LARGE1: variants seen among roughly 807,000 people sequenced by gnomAD.
LARGE1 encodes the protein xylosyl- and glucuronyltransferase LARGE1.
A neutral mutation model predicts 87.6 loss-of-function variants in LARGE1; 43 were observed. The observed-to-expected ratio is 0.49, with a 90% CI of 0.38 to 0.63. LARGE1 has a LOEUF of 0.63. Among genes scored for constraint, LARGE1 ranks in the 30% least tolerant of loss-of-function variants. The pLI is 0.00. For synonymous variants in LARGE1, 434 were observed against 394.6 expected, an observed-to-expected ratio of 1.10 and a Z score of -1.18; for missense variants, 802 against 1,000.2, an observed-to-expected ratio of 0.80 and a Z score of 2.67.
intron 4 of LARGE1, among the ~76,000 whole-genome samples, chr22:33,613,348 C>T (rs2079494768): frequency 2.0e-5 from 3 of 152,166 alleles, no homozygotes; most frequent in Non-Finnish European, 4.4e-5. Context: ...GCCCAGACCA[C>T]CTTTCTTGGA....
chr22:33,498,747 G>C (rs962018776), intron 6 of LARGE1, among the ~76,000 whole-genome samples: 1 of 152,090 alleles, frequency 6.6e-6, no homozygotes, highest in Non-Finnish European at 1.5e-5. Flanking sequence ...CGAGGTGGGC[G>C]GATCACGAGG....
intron 5 of LARGE1, among the ~76,000 whole-genome samples, chr22:33,593,781 T>C (rs2078907701): frequency 1.3e-5 from 2 of 152,082 alleles, no homozygotes; most frequent in African/African-American, 2.4e-5. Context: ...TAAAATTAAA[T>C]GAGATGTATT....
intron 6 of LARGE1, among the ~76,000 whole-genome samples, chr22:33,557,826 T>C (rs5749629): frequency 0.7 from 105,988 of 152,050 alleles, 37,650 homozygotes; most frequent in African/African-American, 0.83. Context: ...CTTAGCCTCC[T>C]GAAGTGCTGG....
intron 1 of LARGE1, among the ~76,000 whole-genome samples, chr22:33,911,750 TCCTTG>T (rs2065644697): frequency 6.6e-6 from 1 of 152,240 alleles, no homozygotes; most frequent in African/African-American, 2.4e-5. Flanking sequence ...TATTGTACTC[TCCTTG>T]CCTTTTTACA....
At chr22:33,201,053 A>T (rs1395920496) in intron 11 of LARGE1, among the ~76,000 whole-genome samples, 1 of 152,214 alleles carries the variant, frequency 6.6e-6, no homozygotes, top group East Asian at 1.9e-4. Context: ...TCATGCCTAT[A>T]ATTCCAGCAC....
At chr22:33,429,768 G>T (rs2067012848) in intron 7 of LARGE1, among the ~76,000 whole-genome samples, 1 of 152,086 alleles carries the variant, frequency 6.6e-6, no homozygotes, top group African/African-American at 2.4e-5. Context: ...AAGCTTGGAG[G>T]GAACGTGTCT....
intron 1 of LARGE1, among the ~76,000 whole-genome samples, chr22:33,803,973 AC>A (rs1333974190): frequency 6.6e-6 from 1 of 152,224 alleles, no homozygotes; most frequent in Non-Finnish European, 1.5e-5. Flanking sequence ...GCCAAAGCCA[AC>A]CTCGTAAGCA....
At chr22:33,346,876 G>T (rs937571114) in intron 9 of LARGE1, among the ~76,000 whole-genome samples, 6 of 152,100 alleles carry the variant, frequency 3.9e-5, no homozygotes, top group African/African-American at 1.4e-4. Flanking sequence ...ACGTGACCTA[G>T]GAATGCCCAA....
intron 2 of LARGE1, among the ~76,000 whole-genome samples, chr22:33,745,691 G>T (rs143241005): frequency 2.2e-4 from 33 of 152,260 alleles, no homozygotes; most frequent in Admixed American, 7.2e-4. Context: ...GCCCTGAAAG[G>T]CTGGATCCAA....
the LARGE1 span, among the ~76,000 whole-genome samples, chr22:33,141,192 T>TCA: frequency 1.3e-3 from 171 of 135,434 alleles, no homozygotes; most frequent in Middle Eastern, 3.7e-3. Flanking sequence ...TCTCTCTCTC[T>TCA]CTCACACACA....
the LARGE1 span, among the ~76,000 whole-genome samples, chr22:33,093,656 A>G: frequency 6.6e-6 from 1 of 152,076 alleles, no homozygotes; most frequent in Non-Finnish European, 1.5e-5. Context: ...ATCAAATTTC[A>G]GGGATGAGAT....
intron 5 of LARGE1, among the ~76,000 whole-genome samples, chr22:33,602,520 G>A (rs2079138480): frequency 6.6e-6 from 1 of 151,862 alleles, no homozygotes; most frequent in South Asian, 2.1e-4. Flanking sequence ...GGGACTACAG[G>A]TGCAGTCACC....
chr22:33,556,305 T>C (rs1195370807), intron 6 of LARGE1, among the ~76,000 whole-genome samples: 1 of 151,910 alleles, frequency 6.6e-6, no homozygotes, highest in Non-Finnish European at 1.5e-5. Context: ...GCAACAGACT[T>C]AAAGAGTTTT....
At chr22:33,638,498 G>A (rs1213254532) in intron 3 of LARGE1, among the ~76,000 whole-genome samples, 1 of 152,166 alleles carries the variant, frequency 6.6e-6, no homozygotes, top group East Asian at 1.9e-4. Context: ...AGTCTGCAGA[G>A]GTGAGGCCCC....
At chr22:33,746,792 C>T (rs1408565208) in intron 2 of LARGE1, among the ~76,000 whole-genome samples, 2 of 152,124 alleles carry the variant, frequency 1.3e-5, no homozygotes, top group African/African-American at 2.4e-5. Flanking sequence ...ACTCCATCAG[C>T]GATGTTGTTA....
At chr22:33,860,124 A>C (rs1469621764) in intron 1 of LARGE1, among the ~76,000 whole-genome samples, 1 of 152,186 alleles carries the variant, frequency 6.6e-6, no homozygotes, top group Non-Finnish European at 1.5e-5. Context: ...TGTGTATTTT[A>C]CAATTAAAAA....
At chr22:33,227,994 T>A (rs181354052) in intron 11 of LARGE1, among the ~76,000 whole-genome samples, 13 of 152,364 alleles carry the variant, frequency 8.5e-5, no homozygotes, top group Non-Finnish European at 1.3e-4. Flanking sequence ...GGTAATAATG[T>A]CAACATATTT....
chr22:33,853,010 T>C (rs1358815721), intron 1 of LARGE1, among the ~76,000 whole-genome samples: 3 of 151,720 alleles, frequency 2.0e-5, no homozygotes, highest in South Asian at 2.1e-4. Flanking sequence ...CCCTCCGCCA[T>C]ATGAAACTGA....
the LARGE1 span, among the ~76,000 whole-genome samples, chr22:33,095,881 T>C: frequency 1.3e-5 from 2 of 152,096 alleles, no homozygotes; most frequent in Non-Finnish European, 2.9e-5. Context: ...CCTACCCGCG[T>C]GTTTGATACC....
Sources: gnomAD v4.1 joint callset for allele counts (sites outside exome capture counted in the v4.1 genomes callset) on GRCh38, gnomAD v4.1.1 for gene constraint, MANE v1.5 for transcripts, NCBI Gene and HGNC (gene_info 2026-07-23, HGNC 2026-07-21) for gene names.